PHTF1: variants seen among roughly 807,000 people sequenced by gnomAD.
The protein encoded by PHTF1 is putative homeodomain transcription factor 1.
PHTF1 carries 88 observed loss-of-function variants against 102.4 expected under a neutral mutation model. The observed-to-expected ratio is 0.86, with a 90% CI of 0.72 to 1.03. The LOEUF is 1.03. PHTF1 is among the 50% of genes least tolerant of loss of function. The pLI is 0.00. For synonymous variants in PHTF1, 289 were observed against 305.2 expected, an observed-to-expected ratio of 0.95 and a Z score of 0.55; for missense variants, 814 against 909.5, an observed-to-expected ratio of 0.89 and a Z score of 1.35.
intron 17 of PHTF1, chr1:113,698,747 C>T: frequency 2.3e-5 from 5 of 215,298 alleles, no homozygotes; most frequent in Middle Eastern, 1.7e-3. Flanking sequence ...AGTTATTAAC[C>T]CAAAACCATC....
intron 7 of PHTF1, among the ~76,000 whole-genome samples, chr1:113,722,816 G>A (rs910830609): frequency 5.3e-5 from 8 of 150,956 alleles, no homozygotes; most frequent in South Asian, 4.2e-4. Flanking sequence ...CCAGCTACTC[G>A]GGAGGCTGAG....
chr1:113,704,880 T>C (rs1649895169), intron 13 of PHTF1, 83 bp from the exon 14 acceptor site: 1 of 937,592 alleles, frequency 1.1e-6, no homozygotes, highest in Non-Finnish European at 1.6e-6. Flanking sequence ...ATTCCCAGAA[T>C]ACAAAAATAT....
Position 113,704,090 on chromosome 1 carries a change from A to G in PHTF1, c.1881T>C (p.Cys627=), listed in dbSNP as rs113655786. ...FLLTLSIAFI[C]CAQVLQGHKT... ...GATGTGAAACTTTTACCTGAGCACAACAAATGAAAGCAATCGAAAGTGTCA... is the reference window on the plus strand; with the variant it reads ...GATGTGAAACTTTTACCTGAGCACAGCAAATGAAAGCAATCGAAAGTGTCA... Residue 627 remains cysteine, a synonymous_variant, in exon 15 of 19, where the codon TGT becomes TGC. Transcript: ENST00000369604. The G allele has an allele frequency of 2.5e-6, 4 of 1,609,778 alleles. No homozygotes were observed. Among genetic ancestry groups the G allele is most frequent in the African/African-American group, 2.7e-5 (2 of 74,878 alleles).
chr1:113,714,962 G>T (rs1651747825), intron 7 of PHTF1: 1 of 152,252 alleles, frequency 6.6e-6, no homozygotes, highest in Non-Finnish European at 1.5e-5. Context: ...AGAAAGTTAG[G>T]GAAGAGAACA....
At chr1:113,727,972 CAAAAA>C (rs970446056) in intron 5 of PHTF1, among the ~76,000 whole-genome samples, 26 of 151,092 alleles carry the variant, frequency 1.7e-4, no homozygotes, top group Admixed American at 1.5e-3. Flanking sequence ...GACCTGGTCT[CAAAAA>C]AGAAAAAAAA....
intron 7 of PHTF1, among the ~76,000 whole-genome samples, chr1:113,722,912 T>A (rs1002049900): frequency 7.0e-6 from 1 of 142,474 alleles, no homozygotes; most frequent in South Asian, 2.2e-4. Flanking sequence ...AGAGGAAGAC[T>A]CCATCTCAAA....
rs747369701 is a variant in PHTF1, at chr1:113,698,739, T to C, written c.2143-352A>G. ...AAAATTGGAAATTTTTTCACAGTAG[T>C]TATTAACCCAAAACCATCAGGTCAG... On this transcript the variant is annotated intron_variant, in intron 17 of 18. Coordinates refer to ENST00000369604, the MANE Select transcript of PHTF1 (RefSeq NM_001323043.2). 24 of 237,334 alleles carry C rather than the reference T, an allele frequency of 1.0e-4. 1 individual carries two copies. Among genetic ancestry groups the C allele is most frequent in the Non-Finnish European group, 1.5e-4 (18 of 123,934 alleles). 14.7% of individuals were successfully genotyped at this position (237,334 alleles called of 1,614,324 possible).
chr1:113,723,476 C>A (rs890255480), intron 7 of PHTF1, among the ~76,000 whole-genome samples: 2 of 152,154 alleles, frequency 1.3e-5, no homozygotes, highest in African/African-American at 4.8e-5. Context: ...CTGTGCCCGG[C>A]CAACAGTGAA....
intron 3 of PHTF1, among the ~76,000 whole-genome samples, chr1:113,745,945 C>T (rs931711098): frequency 5.9e-5 from 9 of 152,192 alleles, no homozygotes; most frequent in Non-Finnish European, 8.8e-5. Flanking sequence ...ACCATCCCCC[C>T]ACACCAGTCC....
intron 5 of PHTF1, among the ~76,000 whole-genome samples, chr1:113,726,861 TA>T (rs1653925142): frequency 6.6e-6 from 1 of 152,166 alleles, no homozygotes; most frequent in Admixed American, 6.5e-5. Flanking sequence ...ATGCTGTATA[TA>T]AAACACATTT....
intron 3 of PHTF1, among the ~76,000 whole-genome samples, chr1:113,751,763 G>T (rs1321083784): frequency 2.0e-5 from 3 of 152,182 alleles, no homozygotes; most frequent in Non-Finnish European, 4.4e-5. Context: ...GAAATGTTGG[G>T]TCATGTGAGA....
intron 5 of PHTF1, among the ~76,000 whole-genome samples, chr1:113,728,506 A>G (rs1230638): frequency 0.77 from 117,115 of 152,196 alleles, 46,040 homozygotes; most frequent in African/African-American, 0.91. Context: ...TGGTGGAAAT[A>G]TAAAGTAGTA....
chr1:113,756,400 T>C (rs1658886310), intron 3 of PHTF1, among the ~76,000 whole-genome samples: 1 of 152,150 alleles, frequency 6.6e-6, no homozygotes, highest in Non-Finnish European at 1.5e-5. Context: ...GAACAGATAA[T>C]ATTAAGTTGT....
At chr1:113,748,603 C>T (rs1029896526) in intron 3 of PHTF1, among the ~76,000 whole-genome samples, 4 of 152,114 alleles carry the variant, frequency 2.6e-5, no homozygotes, top group African/African-American at 4.8e-5. Flanking sequence ...GGTGCAATCA[C>T]GGCTCACTGC....
rs1022418306 is a variant in PHTF1, at chr1:113,759,152, A to T, written c.-160T>A. ...CTTCCCCTCCAGGCGGAGACGCCGG[A>T]GAGGCCGTTACCATGGAGACCGCGG... is the stretch of plus-strand genomic sequence containing the variant. On this transcript the variant is annotated 5_prime_UTR_variant, in exon 1 of 19. Coordinates refer to ENST00000369604, the MANE Select transcript of PHTF1 (RefSeq NM_001323043.2). 2 of 918,338 alleles carry T rather than the reference A, an allele frequency of 2.2e-6. No homozygotes were observed. Among genetic ancestry groups the T allele is most frequent in the Non-Finnish European group, 2.6e-6 (2 of 768,244 alleles). The allele number at this position is 918,338 out of a possible 1,614,324, so 56.9% of individuals were successfully genotyped here. A position where few individuals can be genotyped will look rare whatever the true frequency, so the allele number is the denominator to read the frequency against.
At chr1:113,737,293 C>G (rs189088223) in intron 5 of PHTF1, among the ~76,000 whole-genome samples, 110 of 152,284 alleles carry the variant, frequency 7.2e-4, no homozygotes, top group African/African-American at 2.5e-3. Context: ...ATGTGTGCAG[C>G]GCACACACAC....
chr1:113,710,517 A>T, intron 10 of PHTF1, 42 bp from the exon 11 acceptor site: 11 of 1,421,248 alleles, frequency 7.7e-6, no homozygotes, highest in Non-Finnish European at 1.1e-5. Flanking sequence ...ATTCATCTTT[A>T]AAAATAATTA....
At chr1:113,704,882 C>A in intron 13 of PHTF1, 85 bp from the exon 14 acceptor site, 1 of 934,106 alleles carries the variant, frequency 1.1e-6, no homozygotes, top group Non-Finnish European at 1.6e-6. Context: ...TCCCAGAATA[C>A]AAAAATATTA....
chr1:113,749,465 C>G (rs1013605427), intron 3 of PHTF1: 1 of 152,158 alleles, frequency 6.6e-6, no homozygotes, highest in Admixed American at 6.5e-5. Context: ...ATCTGACGAC[C>G]AGACTTTCAC....
Sources: allele counts gnomAD v4.1 joint callset (sites outside exome capture counted in the v4.1 genomes callset), GRCh38; gene constraint gnomAD v4.1.1; transcripts MANE v1.5; gene names NCBI Gene and HGNC (gene_info 2026-07-23, HGNC 2026-07-21).